HS6ST3: variants seen among roughly 807,000 people sequenced by gnomAD.
HS6ST3 encodes heparan sulfate 6-O-sulfotransferase 3, also known as heparan-sulfate 6-O-sulfotransferase 3.
A neutral mutation model predicts 36.7 loss-of-function variants in HS6ST3; 12 were observed. The observed-to-expected ratio is 0.33, with a 90% CI of 0.21 to 0.53. The LOEUF (loss-of-function observed/expected upper bound fraction) is 0.53. Among genes scored for constraint, HS6ST3 ranks in the 20% least tolerant of loss-of-function variants. The probability of loss-of-function intolerance (pLI) is 0.95; values close to 1 mark genes in which losing one functional copy is unlikely to be tolerated. For synonymous variants in HS6ST3, 240 were observed against 257.5 expected, an observed-to-expected ratio of 0.93 and a Z score of 0.65; for missense variants, 584 against 640.9, an observed-to-expected ratio of 0.91 and a Z score of 0.96.
chr13:96,217,200 G>C (rs1339451818), intron 1 of HS6ST3, among the ~76,000 whole-genome samples: 1 of 152,046 alleles, frequency 6.6e-6, no homozygotes, highest in African/African-American at 2.4e-5. Context: ...AAAAGCCGGG[G>C]GTCTGACAGT....
chr13:96,516,528 C>T (rs758159023), intron 1 of HS6ST3, among the ~76,000 whole-genome samples: 2 of 152,084 alleles, frequency 1.3e-5, no homozygotes, highest in East Asian at 1.9e-4. Context: ...AATAGCAAAA[C>T]ATTGTCCCTT....
chr13:96,487,840 T>C (rs1033147653), intron 1 of HS6ST3, among the ~76,000 whole-genome samples: 8 of 152,162 alleles, frequency 5.3e-5, no homozygotes, highest in African/African-American at 1.7e-4. Context: ...ATGTGGCACA[T>C]TGATAATGTA....
chr13:96,410,078 A>T (rs1430256859), intron 1 of HS6ST3, among the ~76,000 whole-genome samples: 3 of 152,236 alleles, frequency 2.0e-5, no homozygotes, highest in Non-Finnish European at 4.4e-5. Context: ...AAGACATTCT[A>T]TATATAAAAT....
chr13:96,748,437 C>T (rs1475175381), intron 1 of HS6ST3, among the ~76,000 whole-genome samples: 2 of 152,064 alleles, frequency 1.3e-5, no homozygotes, highest in Non-Finnish European at 2.9e-5. Flanking sequence ...GAGCAAAAGT[C>T]CTAAGTTAAT....
At chr13:96,115,644 A>G (rs2053890618) in intron 1 of HS6ST3, among the ~76,000 whole-genome samples, 1 of 152,120 alleles carries the variant, frequency 6.6e-6, no homozygotes, top group Non-Finnish European at 1.5e-5. Flanking sequence ...TATCCAGTCT[A>G]TCATTGGGCA....
intron 1 of HS6ST3, among the ~76,000 whole-genome samples, chr13:96,284,139 T>C (rs1354744976): frequency 6.6e-6 from 1 of 152,062 alleles, no homozygotes; most frequent in African/African-American, 2.4e-5. Context: ...CTAAAAGCCG[T>C]GAGGTGATAG....
At chr13:96,143,408 A>C (rs1255397724) in intron 1 of HS6ST3, among the ~76,000 whole-genome samples, 2 of 148,626 alleles carry the variant, frequency 1.3e-5, no homozygotes, top group Non-Finnish European at 3.0e-5. Context: ...TAATATATAA[A>C]TATAATTTTC....
At chr13:96,637,118 G>A (rs761046693) in intron 1 of HS6ST3, among the ~76,000 whole-genome samples, 4 of 152,092 alleles carry the variant, frequency 2.6e-5, no homozygotes, top group Non-Finnish European at 5.9e-5. Context: ...CTTAAAATTT[G>A]CTGGTGCTTG....
At chr13:96,651,279 CCT>C (rs1342230152) in intron 1 of HS6ST3, among the ~76,000 whole-genome samples, 1 of 152,040 alleles carries the variant, frequency 6.6e-6, no homozygotes, top group African/African-American at 2.4e-5. Flanking sequence ...CTAATATCAT[CCT>C]CTTTTTCTGG....
At chr13:96,665,520 T>C (rs890507161) in intron 1 of HS6ST3, among the ~76,000 whole-genome samples, 1 of 152,188 alleles carries the variant, frequency 6.6e-6, no homozygotes, top group Non-Finnish European at 1.5e-5. Context: ...AAAAATTATA[T>C]TTAAATAAAT....
At chr13:96,764,425 T>C (rs1437383288) in intron 1 of HS6ST3, among the ~76,000 whole-genome samples, 1 of 152,238 alleles carries the variant, frequency 6.6e-6, no homozygotes, top group Non-Finnish European at 1.5e-5. Context: ...TTTAAATAGA[T>C]GAAGCAAGTG....
At chr13:96,645,474 C>G (rs983865571) in intron 1 of HS6ST3, among the ~76,000 whole-genome samples, 7 of 150,446 alleles carry the variant, frequency 4.7e-5, no homozygotes, top group Admixed American at 2.7e-4. Context: ...AGTATCTGTT[C>G]CATGTCACTG....
chr13:96,318,534 A>G (rs2054987509), intron 1 of HS6ST3, among the ~76,000 whole-genome samples: 1 of 94,230 alleles, frequency 1.1e-5, no homozygotes, highest in African/African-American at 5.0e-5. Flanking sequence ...CTCCTTCTCA[A>G]AAAAACAAAA....
chr13:96,187,055 A>G (rs572433929), intron 1 of HS6ST3, among the ~76,000 whole-genome samples: 32 of 152,308 alleles, frequency 2.1e-4, no homozygotes, highest in African/African-American at 7.2e-4. Flanking sequence ...CATTTTCACA[A>G]TCTGTCCAGT....
At chr13:96,453,013 C>T (rs989233843) in intron 1 of HS6ST3, among the ~76,000 whole-genome samples, 2 of 151,996 alleles carry the variant, frequency 1.3e-5, no homozygotes, top group Non-Finnish European at 2.9e-5. Flanking sequence ...GGTTGCCCCT[C>T]TACCTCCAAG....
At chr13:96,670,479 A>G (rs2056679326) in intron 1 of HS6ST3, among the ~76,000 whole-genome samples, 2 of 152,112 alleles carry the variant, frequency 1.3e-5, no homozygotes, top group East Asian at 3.9e-4. Flanking sequence ...ATCTTATAGC[A>G]AGAATGTATA....
rs149928723 is a variant in HS6ST3, at chr13:96,268,082, G to A, written c.707+176513G>A. On this transcript the variant is annotated intron_variant, in intron 1 of 1. Coordinates refer to ENST00000376705, the MANE Select transcript of HS6ST3 (RefSeq NM_153456.4). ...AGGACATCAGTCCTGTTGGGTGAGGGCTCTACTCTCATGATTTCTAATTGT... is the reference window on the plus strand; with the variant it reads ...AGGACATCAGTCCTGTTGGGTGAGGACTCTACTCTCATGATTTCTAATTGT... Among the ~76,000 whole-genome samples, 159 of 151,912 alleles carry A rather than the reference G, an allele frequency of 1.0e-3. 3 individuals are homozygous for A. The highest frequency in any genetic ancestry group is 3.7e-3 in the African/African-American group (153 of 41,300).
At chr13:96,232,268 G>C (rs1357257489) in intron 1 of HS6ST3, among the ~76,000 whole-genome samples, 4 of 152,134 alleles carry the variant, frequency 2.6e-5, no homozygotes, top group Non-Finnish European at 5.9e-5. Flanking sequence ...GTGTTGGGAT[G>C]GATGGCAGGA....
chr13:96,102,075 G>T (rs1349461840), intron 1 of HS6ST3, among the ~76,000 whole-genome samples: 2 of 152,104 alleles, frequency 1.3e-5, no homozygotes, highest in Non-Finnish European at 1.5e-5. Flanking sequence ...TCTGGGAGAG[G>T]TATCAGAAAA....
Sources: gnomAD v4.1 joint callset for allele counts (sites outside exome capture counted in the v4.1 genomes callset) on GRCh38, gnomAD v4.1.1 for gene constraint, MANE v1.5 for transcripts, NCBI Gene and HGNC (gene_info 2026-07-23, HGNC 2026-07-21) for gene names.